TIAM1: variants seen among roughly 807,000 people sequenced by gnomAD.
TIAM1 encodes TIAM Rac1 associated GEF 1, also known as rho guanine nucleotide exchange factor TIAM1.
TIAM1 carries 65 observed loss-of-function variants against 163.5 expected under a neutral mutation model. The ratio of observed to expected loss-of-function variants is 0.40; its 90% CI spans 0.33 to 0.49. The LOEUF (loss-of-function observed/expected upper bound fraction) is 0.49, where lower values mean the gene tolerates loss of function less well. Ranked by LOEUF, TIAM1 falls within the 20% of genes least tolerant of loss-of-function variation. TIAM1 has a pLI of 0.77. For missense variants in TIAM1, 1,789 were observed against 2,044.7 expected (o/e 0.87, Z 2.41); for synonymous variants, 833 against 810.1 (o/e 1.03, Z -0.48).
At chr21:31,226,963 T>A (rs916932327) in intron 6 of TIAM1, among the ~76,000 whole-genome samples, 159 of 148,730 alleles carry the variant, frequency 1.1e-3, no homozygotes, top group African/African-American at 3.5e-3. Context: ...TTTTTTTTTT[T>A]TTTTTTTTTT....
At chr21:31,516,305 G>C (rs1282308736) in intron 1 of TIAM1, among the ~76,000 whole-genome samples, 1 of 151,668 alleles carries the variant, frequency 6.6e-6, no homozygotes, top group East Asian at 1.9e-4. Context: ...CCAGCTACTA[G>C]TGAGGCTGAG....
chr21:31,340,733 C>T (rs1174443456), intron 1 of TIAM1, among the ~76,000 whole-genome samples: 1 of 151,976 alleles, frequency 6.6e-6, no homozygotes, highest in African/African-American at 2.4e-5. Context: ...CACTAACTTA[C>T]ATCTCAGTCG....
Position 31,352,093 on chromosome 21 carries a change from G to C in TIAM1, c.-368-12671C>G, listed in dbSNP as rs115216942. Reference sequence around the variant, plus strand: ...AAAAAAAAAAAAAAAGTGCATCTTTGCTAACGCCACAAAATACCGTCATTT... The same window carrying C: ...AAAAAAAAAAAAAAAGTGCATCTTTCCTAACGCCACAAAATACCGTCATTT... On this transcript the variant is annotated intron_variant, in intron 2 of 28. Coordinates refer to the TIAM1 transcript ENST00000286827. 8.4e-3 allele frequency among the ~76,000 whole-genome samples: 1,267 copies of C among 151,346 alleles called. 20 individuals carry two copies. Among genetic ancestry groups the C allele is most frequent in the African/African-American group, 0.03 (1,225 of 41,258 alleles).
intron 2 of TIAM1, among the ~76,000 whole-genome samples, chr21:31,383,252 G>A (rs1602143848): frequency 6.6e-6 from 1 of 152,006 alleles, no homozygotes; most frequent in African/African-American, 2.4e-5. Flanking sequence ...AAAAAAAAGT[G>A]TAAAACATAA....
Position 31,210,670 on chromosome 21 carries a change from A to G in TIAM1, c.2218-455T>C, listed in dbSNP as rs866022610. 3.2e-4 allele frequency among the ~76,000 whole-genome samples: 24 copies of G among 74,252 alleles called. 1 individual carries two copies. Among genetic ancestry groups the G allele is most frequent in the African/African-American group, 1.9e-3 (24 of 12,414 alleles). 48.7% of individuals were successfully genotyped at this position (74,252 alleles called of 152,430 possible). A position where few individuals can be genotyped will look rare whatever the true frequency, so the allele number is the denominator to read the frequency against. On this transcript the variant is annotated intron_variant, in intron 10 of 27. Transcript: ENST00000541036. ...GAAAGAAAGAAAGAAAGAAAGAAAA[A>G]GAAAGAAAGAAAGAAAAAGAAAGAA... is the stretch of plus-strand genomic sequence containing the variant.
At chr21:31,258,505 T>A (rs1009557059) in intron 4 of TIAM1, among the ~76,000 whole-genome samples, 1 of 152,166 alleles carries the variant, frequency 6.6e-6, no homozygotes, top group African/African-American at 2.4e-5. Context: ...AAATTTTTGT[T>A]CTTTAACTCT....
At chr21:31,535,211 T>C (rs1472825803) in intron 1 of TIAM1, among the ~76,000 whole-genome samples, 1 of 151,482 alleles carries the variant, frequency 6.6e-6, no homozygotes, top group Non-Finnish European at 1.5e-5. Flanking sequence ...TGAAACCCTG[T>C]CTCTACTAAA....
intron 1 of TIAM1, among the ~76,000 whole-genome samples, chr21:31,511,505 G>A (rs2147472080): frequency 6.6e-6 from 1 of 152,230 alleles, no homozygotes; most frequent in South Asian, 2.1e-4. Context: ...TCTGTAAAAA[G>A]GGCATGATAA....
At chr21:31,172,391 G>T (rs138156538) in intron 15 of TIAM1, among the ~76,000 whole-genome samples, 4 of 152,066 alleles carry the variant, frequency 2.6e-5, no homozygotes, top group African/African-American at 9.7e-5. Context: ...GTAGGTGAGC[G>T]GCTTTCCCCT....
At chr21:31,354,590 C>A (rs189700044) in intron 2 of TIAM1, among the ~76,000 whole-genome samples, 88 of 152,206 alleles carry the variant, frequency 5.8e-4, no homozygotes, top group African/African-American at 2.0e-3. Context: ...GGTTCACAAT[C>A]AAAAGAAATA....
intron 3 of TIAM1, among the ~76,000 whole-genome samples, chr21:31,275,421 C>G (rs943742316): frequency 6.6e-6 from 1 of 152,026 alleles, no homozygotes; most frequent in South Asian, 2.1e-4. Context: ...TACAACAAAA[C>G]GGCATCAAAC....
At chr21:31,406,130 A>C (rs1176950894) in intron 2 of TIAM1, among the ~76,000 whole-genome samples, 86 of 127,830 alleles carry the variant, frequency 6.7e-4, no homozygotes, top group Admixed American at 1.8e-3. Context: ...CTCAACACCC[A>C]CCCCCACCCC....
At chr21:31,282,342 A>T (rs185390874) in intron 2 of TIAM1, among the ~76,000 whole-genome samples, 86 of 152,332 alleles carry the variant, frequency 5.6e-4, no homozygotes, top group Non-Finnish European at 8.8e-4. Flanking sequence ...TTATTTTTTT[A>T]AAAACCGCAA....
At chr21:31,290,472 A>G (rs1435940535) in intron 2 of TIAM1, among the ~76,000 whole-genome samples, 2 of 151,280 alleles carry the variant, frequency 1.3e-5, no homozygotes, top group Non-Finnish European at 2.9e-5. Flanking sequence ...CATCTCTACT[A>G]AAAAAAAGAA....
intron 16 of TIAM1, 48 bp from the exon 17 acceptor site, chr21:31,154,474 TA>T (rs2083525517): frequency 1.3e-6 from 2 of 1,580,602 alleles, no homozygotes; most frequent in Admixed American, 1.7e-5. Context: ...TATCCCTCAT[TA>T]GACGCACCTG....
In TIAM1 at chr21:31,395,695, G is replaced by C. The variant is rs1477061966; in HGVS notation, c.-368-56273C>G. Among the ~76,000 whole-genome samples, 7 of 152,156 alleles carry C rather than the reference G, an allele frequency of 4.6e-5. No homozygotes were observed. The highest frequency in any genetic ancestry group is 3.3e-4 in the Admixed American group (5 of 15,268). On this transcript the variant is annotated intron_variant, in intron 2 of 28. Transcript: ENST00000286827. This position sits in a 1 kb window ranked among gnomAD's most constrained non-coding sequence, Gnocchi z 7.5. Reference sequence around the variant, plus strand: ...AAATATTGACTAAAACATCTATCTTGGGGAGGGGGCGCATGCGTTCCCCTG... The same window carrying C: ...AAATATTGACTAAAACATCTATCTTCGGGAGGGGGCGCATGCGTTCCCCTG...
At chr21:31,500,462 G>A (rs1335826106) in intron 1 of TIAM1, among the ~76,000 whole-genome samples, 1 of 152,006 alleles carries the variant, frequency 6.6e-6, no homozygotes, top group African/African-American at 2.4e-5. Context: ...CAGCACACAA[G>A]TCCTCTGTTA....
At chr21:31,394,634 C>T (rs542917755) in intron 2 of TIAM1, among the ~76,000 whole-genome samples, 4 of 151,508 alleles carry the variant, frequency 2.6e-5, no homozygotes, top group Non-Finnish European at 5.9e-5. Context: ...TCTGCGCTTT[C>T]CACCCAATTT....
chr21:31,341,244 A>C (rs1417048610), intron 1 of TIAM1, among the ~76,000 whole-genome samples: 1 of 152,204 alleles, frequency 6.6e-6, no homozygotes, highest in East Asian at 1.9e-4. Flanking sequence ...CAATTTCACA[A>C]TCAGTTTCCA....
Sources: allele counts gnomAD v4.1 joint callset (sites outside exome capture counted in the v4.1 genomes callset), GRCh38; gene constraint gnomAD v4.1.1; non-coding constraint Gnocchi (gnomAD v3.1); transcripts MANE v1.5; gene names NCBI Gene and HGNC (gene_info 2026-07-23, HGNC 2026-07-21).